CNTN1: variants seen among roughly 807,000 people sequenced by gnomAD.
CNTN1 encodes the protein contactin-1.
A neutral mutation model predicts 126.4 loss-of-function variants in CNTN1; 38 were observed. That is an observed-to-expected ratio of 0.30 (90% CI 0.23 to 0.39). CNTN1 has a LOEUF of 0.39. CNTN1 is among the 10% of genes least tolerant of loss of function. The probability of loss-of-function intolerance (pLI) is 1.00; values close to 1 mark genes in which losing one functional copy is unlikely to be tolerated. For synonymous variants in CNTN1, 413 were observed against 422.6 expected, an observed-to-expected ratio of 0.98 and a Z score of 0.28; for missense variants, 1,009 against 1,248.4, an observed-to-expected ratio of 0.81 and a Z score of 2.89.
At chr12:40,933,584 AAT>A in intron 8 of CNTN1, 24 bp downstream of exon 8, 1 of 1,537,040 alleles carries the variant, frequency 6.5e-7, no homozygotes, top group Non-Finnish European at 9.0e-7. Context: ...CACTTTTATT[AAT>A]ATATATAGAA....
At chr12:40,809,152 C>T (rs978473971) in intron 1 of CNTN1, among the ~76,000 whole-genome samples, 14 of 152,174 alleles carry the variant, frequency 9.2e-5, no homozygotes, top group African/African-American at 3.4e-4. Context: ...AAGATCCCTA[C>T]AACCATTCCC....
intron 15 of CNTN1, among the ~76,000 whole-genome samples, chr12:40,980,287 C>T (rs1464988860): frequency 6.6e-6 from 1 of 151,806 alleles, no homozygotes; most frequent in Non-Finnish European, 1.5e-5. Context: ...TACACACATG[C>T]ACACAAAAAT....
At chr12:40,819,792 T>C (rs1941387045) in intron 1 of CNTN1, among the ~76,000 whole-genome samples, 1 of 152,150 alleles carries the variant, frequency 6.6e-6, no homozygotes, top group Non-Finnish European at 1.5e-5. Flanking sequence ...TAGGCTCTGG[T>C]GGTGTGGGTT....
chr12:40,942,720 C>T (rs1436650113), intron 12 of CNTN1, among the ~76,000 whole-genome samples: 1 of 152,090 alleles, frequency 6.6e-6, no homozygotes, highest in East Asian at 1.9e-4. Context: ...TACTTCATTT[C>T]TCCTTCAACA....
chr12:41,000,211 T>G (rs184236939), intron 17 of CNTN1, among the ~76,000 whole-genome samples: 26 of 152,310 alleles, frequency 1.7e-4, no homozygotes, highest in African/African-American at 5.3e-4. Context: ...ATGAAAAACA[T>G]TTCAGTAAAA....
At chr12:40,944,520 A>T (rs1329207760) in intron 14 of CNTN1, among the ~76,000 whole-genome samples, 1 of 152,042 alleles carries the variant, frequency 6.6e-6, no homozygotes, top group East Asian at 1.9e-4. Flanking sequence ...CATAGAACTT[A>T]ATCTTTGTTA....
chr12:40,982,232 T>C (rs1175256959), intron 16 of CNTN1, among the ~76,000 whole-genome samples: 1 of 152,182 alleles, frequency 6.6e-6, no homozygotes, highest in Non-Finnish European at 1.5e-5. Flanking sequence ...ATTATGCTTA[T>C]TGTTTTAAGA....
intron 1 of CNTN1, among the ~76,000 whole-genome samples, chr12:40,877,005 T>C (rs1486830900): frequency 6.6e-6 from 1 of 152,184 alleles, no homozygotes; most frequent in Admixed American, 6.5e-5. Context: ...TCATTTTCCA[T>C]TGCAATTAAT....
intron 1 of CNTN1, among the ~76,000 whole-genome samples, chr12:40,734,494 A>G (rs945399188): frequency 2.0e-5 from 3 of 152,134 alleles, no homozygotes; most frequent in African/African-American, 7.2e-5. Context: ...GATGAAGAGC[A>G]CTGCTTCTGC....
At chr12:40,950,843 G>T (rs1658526141) in intron 14 of CNTN1, among the ~76,000 whole-genome samples, 1 of 151,992 alleles carries the variant, frequency 6.6e-6, no homozygotes, top group African/African-American at 2.4e-5. Flanking sequence ...GTTAGCTGAT[G>T]TCACTCTCTA....
intron 1 of CNTN1, among the ~76,000 whole-genome samples, chr12:40,737,143 A>C (rs1937720592): frequency 6.6e-6 from 1 of 151,710 alleles, no homozygotes; most frequent in African/African-American, 2.4e-5. Flanking sequence ...TTTATATATA[A>C]ATTTTTTATC....
chr12:40,831,966 A>C (rs1047293353), intron 1 of CNTN1, among the ~76,000 whole-genome samples: 1 of 152,206 alleles, frequency 6.6e-6, no homozygotes, highest in African/African-American at 2.4e-5. Flanking sequence ...ACCTGGAGGA[A>C]GAATATGTAT....
rs771330388 is a variant in CNTN1, at chr12:40,993,287, A to T, written c.2113+18A>T. 2 of 1,609,798 alleles carry T rather than the reference A, an allele frequency of 1.2e-6. No homozygotes were observed. Among genetic ancestry groups the T allele is most frequent in the Non-Finnish European group, 1.7e-6 (2 of 1,176,474 alleles). ...CGGTGCTGGTATGTATATACAAGAA[A>T]CTTGAAATTTTAAAAGATTTCTAAA... On this transcript the variant is annotated intron_variant, in intron 17 of 23. Coordinates refer to ENST00000551295, the MANE Select transcript of CNTN1 (RefSeq NM_001843.4).
chr12:40,991,159 C>T (rs544273904), intron 16 of CNTN1, among the ~76,000 whole-genome samples: 1 of 152,280 alleles, frequency 6.6e-6, no homozygotes, highest in Admixed American at 6.5e-5. Flanking sequence ...GGCTCCATTC[C>T]TTGCTTCTTT....
chr12:40,741,556 T>C (rs941048261), intron 1 of CNTN1, among the ~76,000 whole-genome samples: 1 of 152,126 alleles, frequency 6.6e-6, no homozygotes, highest in Non-Finnish European at 1.5e-5. Context: ...TTAAATTTCA[T>C]TTTAAATGAC....
At chr12:41,018,666 C>A (rs948345003) in intron 19 of CNTN1, among the ~76,000 whole-genome samples, 1 of 148,310 alleles carries the variant, frequency 6.7e-6, no homozygotes, top group African/African-American at 2.5e-5. Flanking sequence ...ATATTTTTTA[C>A]TGCATACAAA....
At chr12:40,728,394 G>A (rs1428286081) in intron 1 of CNTN1, among the ~76,000 whole-genome samples, 4 of 152,122 alleles carry the variant, frequency 2.6e-5, no homozygotes, top group Non-Finnish European at 4.4e-5. Context: ...ATCCAGGCAG[G>A]AACAAGGGGA....
At chr12:40,973,848 C>G (rs557669768) in intron 15 of CNTN1, among the ~76,000 whole-genome samples, 7 of 152,180 alleles carry the variant, frequency 4.6e-5, no homozygotes, top group African/African-American at 1.7e-4. Context: ...TACTTTACAT[C>G]CTGTTTATAA....
chr12:40,926,013 A>T (rs1173548242), intron 6 of CNTN1, among the ~76,000 whole-genome samples: 1 of 151,628 alleles, frequency 6.6e-6, no homozygotes, highest in Non-Finnish European at 1.5e-5. Flanking sequence ...ATCTCTTATG[A>T]GTATTTGTTA....
Sources: allele counts gnomAD v4.1 joint callset (sites outside exome capture counted in the v4.1 genomes callset), GRCh38; gene constraint gnomAD v4.1.1; transcripts MANE v1.5; gene names NCBI Gene and HGNC (gene_info 2026-07-23, HGNC 2026-07-21).